The following ENOX1 variants were observed in gnomAD, a reference collection of about 807,000 sequenced individuals.
ENOX1 encodes ecto-NOX disulfide-thiol exchanger 1.
A neutral mutation model predicts 82.5 loss-of-function variants in ENOX1; 42 were observed. The observed-to-expected ratio is 0.51, with a 90% CI of 0.40 to 0.66. ENOX1 has a LOEUF of 0.66. ENOX1 is among the 30% of genes least tolerant of loss of function. The probability of loss-of-function intolerance (pLI) is 0.00; values close to 1 mark genes in which losing one functional copy is unlikely to be tolerated. For synonymous variants in ENOX1, 271 were observed against 282.2 expected, an observed-to-expected ratio of 0.96 and a Z score of 0.40; for missense variants, 608 against 811.6, an observed-to-expected ratio of 0.75 and a Z score of 3.05.
intron 3 of ENOX1, among the ~76,000 whole-genome samples, chr13:43,426,847 A>T (rs1280640265): frequency 6.6e-6 from 1 of 152,208 alleles, no homozygotes; most frequent in African/African-American, 2.4e-5. Flanking sequence ...AGATAAAAAT[A>T]AGGTAGATGT....
Position 43,269,557 on chromosome 13 carries a change from C to T in ENOX1, c.1467G>A (p.Glu489=). ...GMQQQLLTIQ[E]ELNNKKSELE... is the part of the protein sequence containing the mutation. ...ATTCTGACTTTTTGTTGTTTAACTCCTCCTGGATGGTTAGCAATTGCTGTG... is the reference window on the plus strand; with the variant it reads ...ATTCTGACTTTTTGTTGTTTAACTCTTCCTGGATGGTTAGCAATTGCTGTG... Residue 489 remains glutamate (E), a synonymous_variant, in exon 13 of 17, where the codon GAG becomes GAA. Transcript: ENST00000690772. The T allele has an allele frequency of 6.2e-7, 1 of 1,613,794 alleles. No individual in the cohort carries two copies. The highest frequency in any genetic ancestry group is 8.5e-7 in the Non-Finnish European group (1 of 1,179,764).
intron 1 of ENOX1, among the ~76,000 whole-genome samples, chr13:43,693,304 A>T (rs1172042801): frequency 1.3e-5 from 2 of 152,150 alleles, no homozygotes; most frequent in Non-Finnish European, 2.9e-5. Context: ...ATAAGAATGG[A>T]GAAAGACAAA....
intron 2 of ENOX1, among the ~76,000 whole-genome samples, chr13:43,538,405 A>G (rs1443761735): frequency 2.0e-5 from 3 of 152,218 alleles, no homozygotes; most frequent in Non-Finnish European, 4.4e-5. Flanking sequence ...GTTAAATAAC[A>G]TTCAGATTAG....
At position 43,715,570 on chromosome 13, in the gene ENOX1, T is replaced by G. The variant is rs542143037; in HGVS notation, c.-284-48026A>C. Among the ~76,000 whole-genome samples, 3 of 152,338 alleles carry G rather than the reference T, an allele frequency of 2.0e-5. No homozygotes were observed. The South Asian group carries it at 6.2e-4, about 32-fold the overall frequency. ...AATATCCTGCAGAGTGTTTTCCAAC[T>G]TGGTTCCATTCTCCCCGTCACTTTC... On this transcript the variant is annotated intron_variant, in intron 1 of 16. Coordinates refer to ENST00000690772, the MANE Select transcript of ENOX1 (RefSeq NM_001347969.2).
chr13:43,258,227 G>A (rs2043860194), intron 14 of ENOX1, among the ~76,000 whole-genome samples: 1 of 152,144 alleles, frequency 6.6e-6, no homozygotes, highest in South Asian at 2.1e-4. Flanking sequence ...ATCCTTCCTT[G>A]GAGCTCTGTA....
At chr13:43,304,143 C>T (rs2046736144) in intron 11 of ENOX1, among the ~76,000 whole-genome samples, 1 of 152,170 alleles carries the variant, frequency 6.6e-6, no homozygotes, top group Admixed American at 6.5e-5. Flanking sequence ...CTGGCTATCT[C>T]CTATGGAAGA....
chr13:43,756,456 G>A (rs1355946939), intron 1 of ENOX1, among the ~76,000 whole-genome samples: 4 of 143,906 alleles, frequency 2.8e-5, no homozygotes, highest in African/African-American at 1.0e-4. Flanking sequence ...GGTTGAGGAG[G>A]GGTGAGGAGG....
chr13:43,484,040 G>A lies in ENOX1; in HGVS notation c.-106C>T, dbSNP rs914263856. 1.0e-5 allele frequency: 10 copies of A among 985,314 alleles called. No individual in the cohort carries two copies. The highest frequency in any genetic ancestry group is 1.2e-4 in the Admixed American group (2 of 16,240). 61.0% of individuals were successfully genotyped at this position (985,314 alleles called of 1,614,324 possible). On this transcript the variant is annotated 5_prime_UTR_variant, in exon 3 of 17. Coordinates refer to ENST00000690772, the MANE Select transcript of ENOX1 (RefSeq NM_001347969.2). The stretch of plus-strand genomic sequence containing the variant: ...ACTGCCAGCAGCTCAGAAGACAAAT[G>A]TGTTCTCTGGGGACTTGATTGAAAC...
chr13:43,336,185 A>G (rs1287503696), intron 9 of ENOX1, among the ~76,000 whole-genome samples: 1 of 152,202 alleles, frequency 6.6e-6, no homozygotes, highest in Non-Finnish European at 1.5e-5. Flanking sequence ...GGAAATAAAA[A>G]ATGTTTGGCT....
At chr13:43,310,729 AAAAG>A (rs1467617474) in intron 11 of ENOX1, among the ~76,000 whole-genome samples, 4 of 152,306 alleles carry the variant, frequency 2.6e-5, no homozygotes, top group Admixed American at 2.0e-4. Flanking sequence ...AAAGAAAGAA[AAAAG>A]AAAGAGAAAA....
chr13:43,694,227 G>GA (rs11356439), intron 1 of ENOX1, among the ~76,000 whole-genome samples: 5 of 146,322 alleles, frequency 3.4e-5, no homozygotes, highest in South Asian at 2.1e-4. Context: ...AAACTTAGGG[G>GA]AAAAAAAAAA....
chr13:43,299,837 C>T (rs557662351), intron 11 of ENOX1, among the ~76,000 whole-genome samples: 1 of 152,256 alleles, frequency 6.6e-6, no homozygotes, highest in South Asian at 2.1e-4. Flanking sequence ...CCACTGCACA[C>T]CAGGTCGTCA....
At chr13:43,697,253 G>A (rs2086685969) in intron 1 of ENOX1, among the ~76,000 whole-genome samples, 2 of 152,154 alleles carry the variant, frequency 1.3e-5, no homozygotes, top group South Asian at 4.1e-4. Flanking sequence ...TATAGAATTG[G>A]AGCTTAAGAA....
In ENOX1 at chr13:43,454,449, C is replaced by T. The variant is rs150154883; in HGVS notation, c.-75+29560G>A. 8.1e-3 allele frequency among the ~76,000 whole-genome samples: 1,231 copies of T among 152,156 alleles called. 20 individuals are homozygous for T. The highest frequency in any genetic ancestry group is 0.028 in the African/African-American group (1,176 of 41,506). The stretch of plus-strand genomic sequence containing the variant: ...TTGAATTTCACCATGGGAGAGGAAA[C>T]CACTTTTAACTATGCTATTTACATC... On this transcript the variant is annotated intron_variant, in intron 3 of 16. Coordinates refer to ENST00000690772, the MANE Select transcript of ENOX1 (RefSeq NM_001347969.2).
At chr13:43,531,158 G>C (rs941055875) in intron 2 of ENOX1, among the ~76,000 whole-genome samples, 3 of 151,418 alleles carry the variant, frequency 2.0e-5, no homozygotes, top group African/African-American at 7.3e-5. Context: ...TACTGTAGGA[G>C]GTTTTATACT....
At position 43,298,537 on chromosome 13, in the gene ENOX1, G is replaced by A. The variant is rs761992236; in HGVS notation, c.1262-7C>T. ...TAGGCCTGGGCAGCCAGGGCTGAGG[G>A]ACAAACAGAACGAGTTCAGGTGAGC... On this transcript the variant is annotated splice_region_variant and splice_polypyrimidine_tract_variant and intron_variant, in intron 11 of 16. Coordinates refer to ENST00000690772, the MANE Select transcript of ENOX1 (RefSeq NM_001347969.2). 6.2e-7 allele frequency: 1 copy of A among 1,605,326 alleles called. No homozygotes were observed. The highest frequency in any genetic ancestry group is 1.1e-5 in the South Asian group (1 of 89,168).
intron 2 of ENOX1, among the ~76,000 whole-genome samples, chr13:43,612,937 T>G (rs2082258825): frequency 1.3e-5 from 2 of 152,178 alleles, no homozygotes; most frequent in Non-Finnish European, 2.9e-5. Flanking sequence ...GTAATAAATA[T>G]TTCTGAGTAA....
intron 1 of ENOX1, among the ~76,000 whole-genome samples, chr13:43,699,437 T>TA (rs2086802774): frequency 1.3e-5 from 2 of 152,230 alleles, no homozygotes; most frequent in African/African-American, 4.8e-5. Context: ...TTCTTAAAGT[T>TA]ACTCCTTTTC....
intron 2 of ENOX1, among the ~76,000 whole-genome samples, chr13:43,533,479 G>T (rs2153689727): frequency 6.6e-6 from 1 of 152,112 alleles, no homozygotes; most frequent in African/African-American, 2.4e-5. Flanking sequence ...CTATCAGGTA[G>T]AGTCCTGGGT....
Sources: gnomAD v4.1 joint callset for allele counts (sites outside exome capture counted in the v4.1 genomes callset) on GRCh38, gnomAD v4.1.1 for gene constraint, MANE v1.5 for transcripts, NCBI Gene and HGNC (gene_info 2026-07-23, HGNC 2026-07-21) for gene names.